The following ZNF254 variants were observed in gnomAD, a reference collection of about 807,000 sequenced individuals.
The protein encoded by ZNF254 is zinc finger protein 254.
A neutral mutation model predicts 12.4 loss-of-function variants in ZNF254; 10 were observed. The observed-to-expected ratio is 0.80, with a 90% CI of 0.50 to 1.36. The LOEUF (loss-of-function observed/expected upper bound fraction) is 1.36. Among genes scored for constraint, ZNF254 ranks in the 40% most tolerant of loss-of-function variants. The pLI is 0.00. For missense variants in ZNF254, 996 were observed against 763.9 expected (o/e 1.30, Z -3.58); for synonymous variants, 305 against 253.4 (o/e 1.20, Z -1.93).
chr19:24,113,163 C>T (rs2145871767), intron 3 of ZNF254, among the ~76,000 whole-genome samples: 1 of 152,308 alleles, frequency 6.6e-6, no homozygotes, highest in South Asian at 2.1e-4. Flanking sequence ...AAGAGGGAAT[C>T]CTCCCTAACT....
chr19:24,103,061 A>G (rs751645740), intron 1 of ZNF254, among the ~76,000 whole-genome samples: 5 of 152,204 alleles, frequency 3.3e-5, no homozygotes, highest in Non-Finnish European at 7.3e-5. Context: ...TGCTTAATAA[A>G]CATTGCATTA....
At chr19:24,122,067 A>G (rs892875094) in intron 3 of ZNF254, among the ~76,000 whole-genome samples, 1 of 152,072 alleles carries the variant, frequency 6.6e-6, no homozygotes, top group African/African-American at 2.4e-5. Flanking sequence ...GGGTATTATT[A>G]TTTTTACTTG....
At chr19:24,085,490 G>A (rs954492140), upstream of ZNF254, among the ~76,000 whole-genome samples, 2 of 132,178 alleles carry the variant, frequency 1.5e-5, no homozygotes, top group African/African-American at 2.8e-5. Flanking sequence ...AAGGCCAGGC[G>A]CAGTGGGTCA....
At chr19:24,123,009 G>A (rs920250387) in intron 3 of ZNF254, among the ~76,000 whole-genome samples, 2 of 151,890 alleles carry the variant, frequency 1.3e-5, no homozygotes, top group South Asian at 2.1e-4. Context: ...AGATTGTTGG[G>A]TACTTTATTG....
chr19:24,085,206 A>G (rs887388509), upstream of ZNF254, among the ~76,000 whole-genome samples: 3 of 151,616 alleles, frequency 2.0e-5, no homozygotes, highest in African/African-American at 7.3e-5. Flanking sequence ...TGCTGGGACT[A>G]CAGGCGTGAG....
intron 3 of ZNF254, among the ~76,000 whole-genome samples, chr19:24,123,348 G>T (rs1234616931): frequency 6.6e-6 from 1 of 152,164 alleles, no homozygotes; most frequent in East Asian, 1.9e-4. Flanking sequence ...CAAGTAAAAT[G>T]TATGAGCTAT....
chr19:24,049,214 A>ATATTTTTTTTTTTT (rs1160333151), intron 2 of ZNF254, among the ~76,000 whole-genome samples: 1 of 40,868 alleles, frequency 2.4e-5, no homozygotes, highest in Non-Finnish European at 4.1e-5. Flanking sequence ...ATATATATAT[A>ATATTTTTTTTTTTT]TTTTTTTTTT....
chr19:24,049,210 ATATAT>A (rs1444926414), intron 2 of ZNF254, among the ~76,000 whole-genome samples: 1 of 46,214 alleles, frequency 2.2e-5, no homozygotes, highest in East Asian at 3.0e-4. Context: ...ATATATATAT[ATATAT>A]TTTTTTTTTT....
chr19:24,111,588 A>G (rs1291815945), intron 3 of ZNF254, among the ~76,000 whole-genome samples: 3 of 152,170 alleles, frequency 2.0e-5, no homozygotes, highest in South Asian at 2.1e-4. Context: ...AAGTGTTCCT[A>G]TTTCTCCACA....
upstream of ZNF254, among the ~76,000 whole-genome samples, chr19:24,085,426 A>ATGT (rs369443689): frequency 1.9e-5 from 2 of 105,650 alleles, no homozygotes; most frequent in South Asian, 3.1e-4. Flanking sequence ...ATATATATAT[A>ATGT]AAAACTAAGA....
upstream of ZNF254, among the ~76,000 whole-genome samples, chr19:24,084,691 A>T (rs528510701): frequency 6.5e-4 from 99 of 151,792 alleles, no homozygotes; most frequent in South Asian, 0.02. Context: ...GCAGTGGCTT[A>T]ATCAGGGCTC....
chr19:24,052,140 C>T (rs1215143412), intron 2 of ZNF254, among the ~76,000 whole-genome samples: 1 of 152,126 alleles, frequency 6.6e-6, no homozygotes, highest in African/African-American at 2.4e-5. Flanking sequence ...TTGGGCTTTG[C>T]CCAAGCAGGG....
At chr19:24,081,309 T>C (rs1971837300) in intron 2 of ZNF254, among the ~76,000 whole-genome samples, 1 of 152,072 alleles carries the variant, frequency 6.6e-6, no homozygotes. Flanking sequence ...TCTCTTTCAG[T>C]AGATAAAGCC....
At chr19:24,096,202 G>A (rs1345386027) in intron 1 of ZNF254, among the ~76,000 whole-genome samples, 1 of 151,946 alleles carries the variant, frequency 6.6e-6, no homozygotes, top group East Asian at 1.9e-4. Flanking sequence ...GGGATTACAG[G>A]CATGTGCCAC....
upstream of ZNF254, among the ~76,000 whole-genome samples, chr19:24,085,485 C>T (rs1199097921): frequency 3.2e-5 from 4 of 124,798 alleles, no homozygotes; most frequent in African/African-American, 1.2e-4. Context: ...AAACAAAGGC[C>T]AGGCGCAGTG....
At chr19:24,037,015 A>C (rs1969991648) in intron 1 of ZNF254, among the ~76,000 whole-genome samples, 1 of 152,222 alleles carries the variant, frequency 6.6e-6, no homozygotes. Flanking sequence ...CCTGAACCTG[A>C]AGCAGCAACC....
intron 2 of ZNF254, among the ~76,000 whole-genome samples, chr19:24,048,774 G>C (rs543596495): frequency 6.6e-6 from 1 of 151,884 alleles, no homozygotes; most frequent in Admixed American, 6.6e-5. Flanking sequence ...TTTCACCTAG[G>C]CTTAAGTGCA....
chr19:24,095,826 T>C (rs1182252864), intron 1 of ZNF254, among the ~76,000 whole-genome samples: 1 of 152,060 alleles, frequency 6.6e-6, no homozygotes, highest in African/African-American at 2.4e-5. Context: ...TTTTTTGATA[T>C]TTTGTAAAGT....
intron 2 of ZNF254, among the ~76,000 whole-genome samples, chr19:24,077,707 C>T (rs1296227233): frequency 1.3e-5 from 2 of 152,026 alleles, no homozygotes; most frequent in African/African-American, 2.4e-5. Context: ...GTGGCCATGC[C>T]ATGGTTCTGG....
Sources: gnomAD v4.1 joint callset for allele counts (sites outside exome capture counted in the v4.1 genomes callset) on GRCh38, gnomAD v4.1.1 for gene constraint, MANE v1.5 for transcripts, NCBI Gene and HGNC (gene_info 2026-07-23, HGNC 2026-07-21) for gene names.